CHD1: variants seen among roughly 807,000 people sequenced by gnomAD.
CHD1 encodes chromodomain helicase DNA binding protein 1.
Under a neutral mutation model 224.2 loss-of-function variants are expected in CHD1, and 36 were observed. The ratio of observed to expected loss-of-function variants is 0.16; its 90% confidence interval spans 0.12 to 0.21. The LOEUF (loss-of-function observed/expected upper bound fraction) is 0.21. CHD1 is among the 10% of genes least tolerant of loss of function. The pLI is 1.00. For synonymous variants in CHD1, 668 were observed against 658.3 expected, an observed-to-expected ratio of 1.01 and a Z score of -0.23; for missense variants, 1,378 against 1,994.8, an observed-to-expected ratio of 0.69 and a Z score of 5.89.
At chr5:98,916,867 A>C (rs1407754946) in intron 2 of CHD1, among the ~76,000 whole-genome samples, 1 of 152,186 alleles carries the variant, frequency 6.6e-6, no homozygotes, top group East Asian at 1.9e-4. Context: ...ATGATTAGAA[A>C]TTTTGGTACC....
At chr5:98,896,656 G>A (rs914991269) in intron 11 of CHD1, among the ~76,000 whole-genome samples, 2 of 151,988 alleles carry the variant, frequency 1.3e-5, no homozygotes, top group African/African-American at 2.4e-5. Flanking sequence ...GGAGATGACC[G>A]TTTTGGGCCA....
chr5:98,928,296 G>A (rs895004589), intron 1 of CHD1, among the ~76,000 whole-genome samples: 1 of 152,142 alleles, frequency 6.6e-6, no homozygotes, highest in Non-Finnish European at 1.5e-5. Flanking sequence ...GCACCAAGCC[G>A]AAGAGGCCGG....
rs70984334 is a variant in CHD1, at chr5:98,917,299, C to CAAAAAAAAAAAAAAAAAAA, written c.53+9034_53+9035insTTTTTTTTTTTTTTTTTTT. ...GCCCATCCCTCCAAAAACAAAGAAACAAAAAAAAAAAACAACCTCTTAATT... is the reference window on the plus strand; with the variant it reads ...GCCCATCCCTCCAAAAACAAAGAAACAAAAAAAAAAAAAAAAAAAAAAAAAAAAAAACAACCTCTTAATT... On this transcript the variant is annotated intron_variant, in intron 2 of 35. Coordinates refer to ENST00000614616, the MANE Select transcript of CHD1 (RefSeq NM_001270.4). Among the ~76,000 whole-genome samples, 127 of 119,752 alleles carry CAAAAAAAAAAAAAAAAAAA rather than the reference C, an allele frequency of 1.1e-3. 2 individuals are homozygous for CAAAAAAAAAAAAAAAAAAA. Among genetic ancestry groups the CAAAAAAAAAAAAAAAAAAA allele is most frequent in the Middle Eastern group, 5.1e-3 (1 of 198 alleles). 78.6% of individuals were successfully genotyped at this position (119,752 alleles called of 152,430 possible). A position where few individuals can be genotyped will look rare whatever the true frequency, so the allele number is the denominator to read the frequency against.
At chr5:98,925,826 CAT>C (rs2112677589) in intron 2 of CHD1, among the ~76,000 whole-genome samples, 1 of 151,062 alleles carries the variant, frequency 6.6e-6, no homozygotes, top group South Asian at 2.1e-4. Context: ...CCACTAGCCA[CAT>C]GTGATTATTC....
chr5:98,920,642 C>T (rs922898142), intron 2 of CHD1, among the ~76,000 whole-genome samples: 1 of 151,880 alleles, frequency 6.6e-6, no homozygotes, highest in Non-Finnish European at 1.5e-5. Flanking sequence ...ACTAAAAATA[C>T]AAAAATTAGC....
intron 25 of CHD1, among the ~76,000 whole-genome samples, chr5:98,873,976 C>T (rs936028038): frequency 2.0e-5 from 3 of 152,078 alleles, no homozygotes; most frequent in Non-Finnish European, 2.9e-5. Context: ...TTCTGTAAAA[C>T]CTTTTAATAA....
intron 15 of CHD1, among the ~76,000 whole-genome samples, chr5:98,890,643 CT>C (rs1561516064): frequency 6.6e-6 from 1 of 152,052 alleles, no homozygotes; most frequent in Non-Finnish European, 1.5e-5. Context: ...AAATGCATTA[CT>C]TTTTTTAAAG....
intron 11 of CHD1, 78 bp downstream of exon 11, chr5:98,897,099 TCTTATTCTTTATGTAA>T: frequency 8.2e-7 from 1 of 1,224,220 alleles, no homozygotes; most frequent in East Asian, 2.4e-5. Flanking sequence ...TGCCAAAGAG[TCTTATTCTTTATGTAA>T]ATGGAAATCT....
At chr5:98,910,469 T>C (rs908103252) in intron 2 of CHD1, among the ~76,000 whole-genome samples, 1 of 152,096 alleles carries the variant, frequency 6.6e-6, no homozygotes, top group Non-Finnish European at 1.5e-5. Context: ...AGAGACTGCT[T>C]TCTTACTAAT....
intron 31 of CHD1, among the ~76,000 whole-genome samples, chr5:98,868,212 A>G (rs1025497648): frequency 1.3e-5 from 2 of 151,812 alleles, no homozygotes; most frequent in Non-Finnish European, 2.9e-5. Flanking sequence ...CTCTAGTCCC[A>G]GCTACTCGAG....
chr5:98,921,413 A>C (rs1753086694), intron 2 of CHD1, among the ~76,000 whole-genome samples: 2 of 152,202 alleles, frequency 1.3e-5, no homozygotes, highest in African/African-American at 2.4e-5. Flanking sequence ...TGAACTTAAT[A>C]CATAAGAATC....
intron 7 of CHD1, 107 bp downstream of exon 7, chr5:98,900,704 G>T (rs1157846235): frequency 2.1e-6 from 2 of 961,192 alleles, no homozygotes; most frequent in Non-Finnish European, 3.1e-6. Flanking sequence ...CATCGGCCTC[G>T]GCCCCCCAAA....
intron 31 of CHD1, among the ~76,000 whole-genome samples, chr5:98,866,897 A>G (rs768359329): frequency 4.6e-5 from 7 of 152,062 alleles, no homozygotes; most frequent in African/African-American, 1.2e-4. Flanking sequence ...TTGCTCTGCA[A>G]TTGGACTTTT....
At chr5:98,912,947 T>C (rs184470439) in intron 2 of CHD1, among the ~76,000 whole-genome samples, 6 of 152,264 alleles carry the variant, frequency 3.9e-5, no homozygotes, top group African/African-American at 1.4e-4. Flanking sequence ...CTGTTAACAG[T>C]GATTAGCTGA....
intron 18 of CHD1, among the ~76,000 whole-genome samples, 165 bp from the exon 19 acceptor site, chr5:98,883,402 C>T (rs1444463780): frequency 6.6e-6 from 1 of 152,010 alleles, no homozygotes; most frequent in Admixed American, 6.5e-5. Context: ...TTATTAACAC[C>T]AAATTCAATA....
Position 98,883,132 on chromosome 5 carries a change from G to C in CHD1, c.2674C>G (p.Leu892Val), listed in dbSNP as rs1047803184. 1 of 1,601,584 alleles carries C rather than the reference G, an allele frequency of 6.2e-7. No individual in the cohort carries two copies. The highest frequency in any genetic ancestry group is 1.1e-5 in the South Asian group (1 of 88,544). ...FDSDWNPQND[L>V]QAQARAHRIG... is the part of the protein sequence containing the mutation. ...CGATGGGCTCTAGCCTGTGCCTGAA[G>C]ATCATTCTGTGGATTCCAATCGGAA... Residue 892 changes from leucine (L) to valine (V), a missense_variant, in exon 19 of 36, where the codon CTT (leucine) becomes GTT (valine). Transcript: ENST00000614616.
At chr5:98,919,866 T>C (rs1752977284) in intron 2 of CHD1, among the ~76,000 whole-genome samples, 1 of 152,170 alleles carries the variant, frequency 6.6e-6, no homozygotes, top group East Asian at 1.9e-4. Flanking sequence ...GACACTTGAA[T>C]ATCAACAAGC....
intron 18 of CHD1, chr5:98,883,951 C>T (rs1750436594): frequency 6.5e-6 from 1 of 153,414 alleles, no homozygotes; most frequent in South Asian, 2.1e-4. Flanking sequence ...AAGCAATTCT[C>T]CTGCCTCAGC....
chr5:98,888,005 TATAAA>T, intron 17 of CHD1, 78 bp downstream of exon 17: 3 of 883,332 alleles, frequency 3.4e-6, no homozygotes, highest in South Asian at 4.9e-5. Context: ...CCTAAACACT[TATAAA>T]ATAATTTCAG....
Sources: allele counts gnomAD v4.1 joint callset (sites outside exome capture counted in the v4.1 genomes callset), GRCh38; gene constraint gnomAD v4.1.1; transcripts MANE v1.5; gene names NCBI Gene and HGNC (gene_info 2026-07-23, HGNC 2026-07-21).